The following VAX2 variants were observed in gnomAD, a reference collection of about 807,000 sequenced individuals.
The protein encoded by VAX2 is ventral anterior homeobox 2.
VAX2 carries 8 observed loss-of-function variants against 12.5 expected under a neutral mutation model. The observed-to-expected ratio is 0.64, with a 90% CI of 0.37 to 1.15. VAX2 has a LOEUF of 1.15. Among genes scored for constraint, VAX2 ranks in the 50% most tolerant of loss-of-function variants. The probability of loss-of-function intolerance (pLI) is 0.01; values close to 1 mark genes in which losing one functional copy is unlikely to be tolerated. For missense variants in VAX2, 476 were observed against 412.9 expected, an observed-to-expected ratio of 1.15 and a Z score of -1.32; for synonymous variants, 183 against 187.6, an observed-to-expected ratio of 0.98 and a Z score of 0.20.
chr2:70,908,360 C>G lies in VAX2; in HGVS notation c.247+7492C>G, dbSNP rs139533449. ...CTCCCATCCCTGTCCCCATCACCCACTTCCCACCTGGTTCAAGGACTTTCT... is the reference window on the plus strand; with the variant it reads ...CTCCCATCCCTGTCCCCATCACCCAGTTCCCACCTGGTTCAAGGACTTTCT... On this transcript the variant is annotated intron_variant, in intron 1 of 2. Coordinates refer to ENST00000234392, the MANE Select transcript of VAX2 (RefSeq NM_012476.3). 2.6e-5 allele frequency among the ~76,000 whole-genome samples: 4 copies of G among 152,332 alleles called. No homozygotes were observed. The East Asian group carries it at 7.7e-4, about 29-fold the overall frequency.
chr2:70,928,415 C>T (rs781801588), intron 2 of VAX2, among the ~76,000 whole-genome samples: 4 of 152,198 alleles, frequency 2.6e-5, no homozygotes, highest in Non-Finnish European at 5.9e-5. Context: ...AGTGTGCGGC[C>T]AAGGTTGAGA....
chr2:70,905,864 G>A (rs186010791), intron 1 of VAX2, among the ~76,000 whole-genome samples: 32 of 152,310 alleles, frequency 2.1e-4, no homozygotes, highest in Middle Eastern at 6.8e-3. Flanking sequence ...CCTCTTTTGC[G>A]CAGCACCGGT....
At position 70,929,129 on chromosome 2, in the gene VAX2, G is replaced by A. The variant is rs571267785; in HGVS notation, c.436-3638G>A. 1.4e-4 allele frequency among the ~76,000 whole-genome samples: 21 copies of A among 152,308 alleles called. No individual in the cohort carries two copies. In the South Asian group the frequency reaches 4.4e-3, roughly 32 times the overall value. ...ATTCCAGAGGTGACAAATGGGAAAG[G>A]GTTTTCTTCTTTCCAGTCATTGCCT... On this transcript the variant is annotated intron_variant, in intron 2 of 2. Transcript: ENST00000234392.
chr2:70,932,838 GTCC>G lies in VAX2; in HGVS notation c.513_515del (p.Ser172del), dbSNP rs782214049. On this transcript the variant is annotated inframe_deletion, in exon 3 of 3. Transcript: ENST00000234392. ...AGAGCAGAGACCTGGAGAAGCGGGCGTCCTCCTCAGCCTCCGAGGCCTTTGCCA... is the reference window on the plus strand; with the variant it reads ...AGAGCAGAGACCTGGAGAAGCGGGCGTCCTCAGCCTCCGAGGCCTTTGCCA... 4 of 1,612,428 alleles carry G rather than the reference GTCC, an allele frequency of 2.5e-6. No individual in the cohort carries two copies. Among genetic ancestry groups the G allele is most frequent in the Non-Finnish European group, 3.4e-6 (4 of 1,179,550 alleles).
chr2:70,931,383 T>C (rs1030279415), intron 2 of VAX2, among the ~76,000 whole-genome samples: 14 of 152,186 alleles, frequency 9.2e-5, no homozygotes, highest in African/African-American at 3.4e-4. Context: ...TGGTGTCACA[T>C]TGAGAAACTT....
chr2:70,910,760 A>C (rs1433185680), intron 1 of VAX2, among the ~76,000 whole-genome samples: 3 of 151,130 alleles, frequency 2.0e-5, no homozygotes, highest in Non-Finnish European at 4.4e-5. Flanking sequence ...CATGTATTGC[A>C]AACAACTCCC....
intron 1 of VAX2, among the ~76,000 whole-genome samples, chr2:70,920,698 C>G (rs1188669208): frequency 6.6e-6 from 1 of 151,926 alleles, no homozygotes; most frequent in Admixed American, 6.6e-5. Context: ...TCTGACCTCT[C>G]CAGTAAGCCT....
At position 70,900,784 on chromosome 2, in the gene VAX2, G is replaced by T. The variant is rs782621957; in HGVS notation, c.163G>T (p.Ala55Ser). ...GGCCGGGACCTCAGCCTCCAGTCCC[G>T]CAGGCTCCAGGGAGAGTGGAGCCGA... ...EVAGTSASSP[A>S]GSRESGADSD... Residue 55 changes from alanine (A) to serine (S), a missense_variant, in exon 1 of 3, where the codon GCA (alanine) becomes TCA (serine). Coordinates refer to ENST00000234392, the MANE Select transcript of VAX2 (RefSeq NM_012476.3). 18 of 1,496,896 alleles carry T rather than the reference G, an allele frequency of 1.2e-5. No homozygotes were observed. Among genetic ancestry groups the T allele is most frequent in the South Asian group, 2.5e-5 (2 of 78,926 alleles). 92.7% of individuals were successfully genotyped at this position (1,496,896 alleles called of 1,614,324 possible).
At chr2:70,910,698 C>T (rs1553411096) in intron 1 of VAX2, among the ~76,000 whole-genome samples, 2 of 151,536 alleles carry the variant, frequency 1.3e-5, no homozygotes, top group Admixed American at 6.6e-5. Flanking sequence ...ATTGTTTTCT[C>T]ATCTTCGTAA....
At chr2:70,925,370 A>C (rs4852238) in intron 2 of VAX2, among the ~76,000 whole-genome samples, 122,536 of 152,122 alleles carry the variant, frequency 0.81, 49,955 homozygotes, top group African/African-American at 0.94. Flanking sequence ...GTGCTGGAAC[A>C]TATTAGGACT....
At chr2:70,905,684 C>A (rs1330896746) in intron 1 of VAX2, among the ~76,000 whole-genome samples, 1 of 152,188 alleles carries the variant, frequency 6.6e-6, no homozygotes, top group African/African-American at 2.4e-5. Context: ...GCCCCACACA[C>A]CTGCATCTTC....
intron 1 of VAX2, among the ~76,000 whole-genome samples, chr2:70,908,364 C>A (rs1679106246): frequency 6.6e-6 from 1 of 152,150 alleles, no homozygotes; most frequent in African/African-American, 2.4e-5. Context: ...CACCCACTTC[C>A]CACCTGGTTC....
chr2:70,906,711 A>G (rs1419291327), intron 1 of VAX2, among the ~76,000 whole-genome samples: 3 of 151,128 alleles, frequency 2.0e-5, no homozygotes, highest in Non-Finnish European at 4.4e-5. Context: ...AACTTATTCT[A>G]CAAACATTAA....
chr2:70,909,413 G>A (rs1473802213), intron 1 of VAX2, among the ~76,000 whole-genome samples: 3 of 151,346 alleles, frequency 2.0e-5, no homozygotes, highest in African/African-American at 7.3e-5. Flanking sequence ...TATTGAGGAG[G>A]CCAGTCTCAA....
intron 1 of VAX2, among the ~76,000 whole-genome samples, chr2:70,912,619 G>A (rs1011925405): frequency 2.0e-5 from 3 of 152,132 alleles, no homozygotes; most frequent in Non-Finnish European, 2.9e-5. Context: ...CTGAGATCAC[G>A]CCGTTGCACT....
intron 1 of VAX2, among the ~76,000 whole-genome samples, chr2:70,909,455 G>A (rs1043351248): frequency 4.6e-5 from 7 of 151,922 alleles, no homozygotes; most frequent in East Asian, 1.9e-4. Flanking sequence ...TCCCACCTGC[G>A]CCTCTCATAA....
chr2:70,913,327 T>C (rs989397706), intron 1 of VAX2, among the ~76,000 whole-genome samples: 6 of 152,376 alleles, frequency 3.9e-5, no homozygotes, highest in Non-Finnish European at 7.3e-5. Context: ...TCTTATTTTA[T>C]TGCCTTCCCA....
At chr2:70,911,431 C>T (rs10168442) in intron 1 of VAX2, among the ~76,000 whole-genome samples, 4,116 of 152,228 alleles carry the variant, frequency 0.027, 170 homozygotes, top group African/African-American at 0.094. Flanking sequence ...TTATCAACTA[C>T]GCCAACGTTT....
intron 1 of VAX2, among the ~76,000 whole-genome samples, chr2:70,907,617 G>A (rs1242116220): frequency 1.3e-5 from 2 of 152,244 alleles, no homozygotes; most frequent in African/African-American, 4.8e-5. Flanking sequence ...GCGGAGCTGC[G>A]GAAGCCAGGG....
Sources: allele counts gnomAD v4.1 joint callset (sites outside exome capture counted in the v4.1 genomes callset), GRCh38; gene constraint gnomAD v4.1.1; transcripts MANE v1.5; gene names NCBI Gene and HGNC (gene_info 2026-07-23, HGNC 2026-07-21).